The following ITGA1 variants were observed in gnomAD, a reference collection of about 807,000 sequenced individuals.
ITGA1 encodes integrin subunit alpha 1.
Under a neutral mutation model 145.9 loss-of-function variants are expected in ITGA1, and 85 were observed. The observed-to-expected ratio is 0.58, with a 90% confidence interval of 0.49 to 0.70. The LOEUF (loss-of-function observed/expected upper bound fraction) is 0.70. Among genes scored for constraint, ITGA1 ranks in the 30% least tolerant of loss-of-function variants. The pLI, the probability that ITGA1 is intolerant of heterozygous loss-of-function variation, is 0.00. For synonymous variants in ITGA1, 520 were observed against 495.3 expected (o/e 1.05, Z -0.66); for missense variants, 1,351 against 1,418.7 (o/e 0.95, Z 0.77).
intron 7 of ITGA1, chr5:52,883,006 G>T (rs972400705): frequency 6.6e-6 from 1 of 152,138 alleles, no homozygotes; most frequent in Non-Finnish European, 1.5e-5. Flanking sequence ...ATAATTTCAT[G>T]TACAGCTTTT....
At chr5:52,910,965 A>ATATACTATATATAGTATG (rs1561245779) in intron 14 of ITGA1, among the ~76,000 whole-genome samples, 1 of 132,036 alleles carries the variant, frequency 7.6e-6, no homozygotes, top group Non-Finnish European at 1.5e-5. Context: ...TATACACTAT[A>ATATACTATATATAGTATG]TATACTATAT....
At chr5:52,901,703 T>A (rs1750315873) in intron 11 of ITGA1, 1 of 152,192 alleles carries the variant, frequency 6.6e-6, no homozygotes, top group South Asian at 2.1e-4. Flanking sequence ...TAAACGTTGC[T>A]TAAAGCAGAT....
chr5:52,898,883 T>C (rs1308737211), intron 11 of ITGA1, among the ~76,000 whole-genome samples: 1 of 152,142 alleles, frequency 6.6e-6, no homozygotes, highest in Non-Finnish European at 1.5e-5. Flanking sequence ...ATCAGACAAA[T>C]ATTGAACTTA....
At chr5:52,841,316 G>C (rs1749250787) in intron 1 of ITGA1, among the ~76,000 whole-genome samples, 1 of 152,124 alleles carries the variant, frequency 6.6e-6, no homozygotes, top group African/African-American at 2.4e-5. Flanking sequence ...AGATTATGAT[G>C]TCATTTCCAA....
chr5:52,934,037 T>G, intron 23 of ITGA1, 41 bp downstream of exon 23: 1 of 776,084 alleles, frequency 1.3e-6, no homozygotes, highest in Non-Finnish European at 1.9e-6. Flanking sequence ...AAGGAGTTAT[T>G]TGTAAATATA....
In ITGA1 at chr5:52,905,786, G is replaced by T; in HGVS notation, c.1333G>T (p.Ala445Ser). The T allele has an allele frequency of 6.2e-7, 1 of 1,613,292 alleles. No individual in the cohort carries two copies. The highest frequency in any genetic ancestry group is 8.5e-7 in the Non-Finnish European group (1 of 1,179,572). ...AGGTTACACTGTAAACTCTGCTACT[G>T]CTTCTTCTGGAGATGTGCTCTATAT... Reference protein sequence around the residue: ...YLGYTVNSATASSGDVLYIAG... With the variant: ...YLGYTVNSATSSSGDVLYIAG... The change falls in exon 12 of 29, where the codon GCT becomes TCT. Residue 445 changes from alanine to serine, a missense_variant. Physicochemically the swap from Ala to Ser is moderately conservative, Grantham distance 99 (BLOSUM62 1). Transcript: ENST00000282588.
At chr5:52,922,943 C>A in intron 18 of ITGA1, 56 bp downstream of exon 18, 2 of 1,010,216 alleles carry the variant, frequency 2.0e-6, no homozygotes, top group Non-Finnish European at 3.1e-6. Flanking sequence ...TTTAATGTCA[C>A]TAGTAAACTG....
At chr5:52,873,233 A>G (rs905778429) in intron 6 of ITGA1, among the ~76,000 whole-genome samples, 4 of 152,132 alleles carry the variant, frequency 2.6e-5, no homozygotes. Context: ...ACAACCCTTT[A>G]CATTGTATTT....
intron 1 of ITGA1, chr5:52,800,496 G>A (rs1244135378): frequency 1.2e-6 from 2 of 1,614,122 alleles, no homozygotes; most frequent in African/African-American, 1.3e-5. Flanking sequence ...ACCTCGTGCA[G>A]GTGGGCGACA....
At chr5:52,810,444 T>G (rs1499279) in intron 1 of ITGA1, among the ~76,000 whole-genome samples, 15,837 of 152,278 alleles carry the variant, frequency 0.1, 1,746 homozygotes, top group African/African-American at 0.28. Context: ...GTTGTTCATT[T>G]TACTAAATGG....
At chr5:52,901,111 A>G (rs1472412968) in intron 11 of ITGA1, among the ~76,000 whole-genome samples, 2 of 152,200 alleles carry the variant, frequency 1.3e-5, no homozygotes, top group African/African-American at 4.8e-5. Flanking sequence ...GATACAATCA[A>G]GCATTCTAAA....
chr5:52,948,037 C>T (rs1274415710), intron 28 of ITGA1, among the ~76,000 whole-genome samples: 6 of 152,102 alleles, frequency 3.9e-5, no homozygotes, highest in Non-Finnish European at 8.8e-5. Context: ...GTTTCACAGA[C>T]TCCTATTTCA....
intron 1 of ITGA1, among the ~76,000 whole-genome samples, chr5:52,819,980 C>G (rs370742136): frequency 2.6e-5 from 4 of 152,030 alleles, no homozygotes; most frequent in Non-Finnish European, 5.9e-5. Context: ...ATTTCTGAGG[C>G]CTCTGTTCTG....
intron 8 of ITGA1, among the ~76,000 whole-genome samples, chr5:52,890,574 T>C (rs10054657): frequency 0.032 from 4,918 of 152,278 alleles, 309 homozygotes; most frequent in African/African-American, 0.11. Flanking sequence ...TGCTTTCTTT[T>C]TTAAAATGTA....
chr5:52,800,944 C>A (rs571174898), intron 1 of ITGA1: 1 of 1,614,156 alleles, frequency 6.2e-7, no homozygotes, highest in African/African-American at 1.3e-5. Flanking sequence ...GGCCTTGGAG[C>A]GGTTCTATGA....
chr5:52,800,605 G>T (rs1465988556), intron 1 of ITGA1: 3 of 1,613,754 alleles, frequency 1.9e-6, no homozygotes, highest in South Asian at 2.2e-5. Flanking sequence ...CTGCGTGGAG[G>T]CCATCGACTT....
chr5:52,883,844 T>C (rs538633440), intron 7 of ITGA1, among the ~76,000 whole-genome samples: 2 of 152,312 alleles, frequency 1.3e-5, no homozygotes, highest in African/African-American at 4.8e-5. Context: ...TTTTAAGGAA[T>C]GTAGTTGAAA....
intron 2 of ITGA1, among the ~76,000 whole-genome samples, chr5:52,856,067 C>A (rs1011049598): frequency 6.6e-6 from 1 of 152,138 alleles, no homozygotes; most frequent in Non-Finnish European, 1.5e-5. Context: ...ATCACCATAT[C>A]CTAAGTGCTT....
rs1012731197 is a variant in ITGA1, at chr5:52,893,858, A to T, written c.1090+18A>T. Reference sequence around the variant, plus strand: ...CCTGGAAGGTATGTCTATTTATCTTATTGCTGCATGTTCTCTCTGCAATTC... The same window carrying T: ...CCTGGAAGGTATGTCTATTTATCTTTTTGCTGCATGTTCTCTCTGCAATTC... On this transcript the variant is annotated intron_variant, in intron 9 of 28. Coordinates refer to ENST00000282588, the MANE Select transcript of ITGA1 (RefSeq NM_181501.2). 20 of 1,581,698 alleles carry T rather than the reference A, an allele frequency of 1.3e-5. No homozygotes were observed. Among genetic ancestry groups the T allele is most frequent in the Non-Finnish European group, 1.5e-5 (17 of 1,156,500 alleles).
Sources: allele counts gnomAD v4.1 joint callset (sites outside exome capture counted in the v4.1 genomes callset), GRCh38; gene constraint gnomAD v4.1.1; transcripts MANE v1.5; gene names NCBI Gene and HGNC (gene_info 2026-07-23, HGNC 2026-07-21).